The following TMEM204 variants were observed in gnomAD, a reference collection of about 807,000 sequenced individuals.
TMEM204 encodes the protein transmembrane protein 204.
TMEM204 carries 15 observed loss-of-function variants against 19.4 expected under a neutral mutation model. The observed-to-expected ratio is 0.77, with a 90% CI of 0.52 to 1.19. TMEM204 has a LOEUF of 1.19. Among genes scored for constraint, TMEM204 ranks in the 50% most tolerant of loss-of-function variants. The pLI, the probability that TMEM204 is intolerant of heterozygous loss-of-function variation, is 0.00. For missense variants in TMEM204, 287 were observed against 321.2 expected, an observed-to-expected ratio of 0.89 and a Z score of 0.81; for synonymous variants, 161 against 146.0, an observed-to-expected ratio of 1.10 and a Z score of -0.74.
At chr16:1,529,824 G>A, upstream of TMEM204, among the ~76,000 whole-genome samples, 1 of 152,200 alleles carries the variant, frequency 6.6e-6, no homozygotes, top group South Asian at 2.1e-4. Flanking sequence ...AAGACTGGGG[G>A]TCCAGGGCTC....
intron 1 of TMEM204, chr16:1,541,361 G>A (rs1267540417): frequency 1.0e-6 from 1 of 985,456 alleles, no homozygotes; most frequent in Non-Finnish European, 1.2e-6. Context: ...GGGCCCAGAT[G>A]AGCTGCTTCT....
Position 1,555,047 on chromosome 16 carries a change from A to T in TMEM204, c.*21A>T. On this transcript the variant is annotated 3_prime_UTR_variant, in exon 3 of 3. Coordinates refer to ENST00000566264, the MANE Select transcript of TMEM204 (RefSeq NM_024600.6). ...GCTGAGTCGCCCTTCTCAGCGCTCC[A>T]TCAACGCACACCTGCTATCGTGGAA... The T allele has an allele frequency of 1.3e-6, 2 of 1,595,314 alleles. No individual in the cohort carries two copies. The highest frequency in any genetic ancestry group is 1.7e-6 in the Non-Finnish European group (2 of 1,171,056).
chr16:1,540,295 G>A (rs541474327), intron 1 of TMEM204, among the ~76,000 whole-genome samples: 6 of 152,360 alleles, frequency 3.9e-5, no homozygotes, highest in South Asian at 2.1e-4. Context: ...AGGTTGAACC[G>A]TGTGGAATTG....
At chr16:1,536,745 T>A (rs929844735) in intron 1 of TMEM204, among the ~76,000 whole-genome samples, 1 of 152,102 alleles carries the variant, frequency 6.6e-6, no homozygotes. Flanking sequence ...TCCTCCTGCC[T>A]CTCTCGCCTT....
upstream of TMEM204, chr16:1,530,811 C>A (rs1220302767): frequency 1.3e-5 from 2 of 150,960 alleles, no homozygotes; most frequent in African/African-American, 4.9e-5. Context: ...GCCAGCACAC[C>A]GTCAGATGCC....
At chr16:1,544,796 C>T (rs1275865074) in intron 2 of TMEM204, among the ~76,000 whole-genome samples, 2 of 151,440 alleles carry the variant, frequency 1.3e-5, no homozygotes, top group African/African-American at 2.4e-5. Context: ...CTACAGGCAC[C>T]CGCCACCACG....
chr16:1,534,624 C>T (rs551552325), intron 1 of TMEM204, 69 bp downstream of exon 1: 621 of 1,589,170 alleles, frequency 3.9e-4, no homozygotes, highest in South Asian at 1.4e-3. Flanking sequence ...AGATGTTAGG[C>T]GCGGACCTGG....
chr16:1,546,397 C>T (rs2032174325), intron 2 of TMEM204, among the ~76,000 whole-genome samples: 1 of 152,202 alleles, frequency 6.6e-6, no homozygotes. Flanking sequence ...GGGTTCTGCT[C>T]CTGGCTCTGC....
At chr16:1,538,447 C>A (rs922563076) in intron 1 of TMEM204, among the ~76,000 whole-genome samples, 3 of 152,172 alleles carry the variant, frequency 2.0e-5, no homozygotes, top group Non-Finnish European at 2.9e-5. Flanking sequence ...GCCTGGTGCT[C>A]AAGCCCACCT....
At chr16:1,546,429 T>C (rs1199051881) in intron 2 of TMEM204, among the ~76,000 whole-genome samples, 2 of 152,190 alleles carry the variant, frequency 1.3e-5, no homozygotes, top group Non-Finnish European at 2.9e-5. Context: ...TGTGAGTGCC[T>C]GGACGAGCCC....
At chr16:1,538,272 C>A (rs1042177861) in intron 1 of TMEM204, among the ~76,000 whole-genome samples, 1 of 152,178 alleles carries the variant, frequency 6.6e-6, no homozygotes, top group Non-Finnish European at 1.5e-5. Context: ...TGCACAGAGC[C>A]CCTGCCATGG....
intron 1 of TMEM204, among the ~76,000 whole-genome samples, chr16:1,537,877 C>T (rs187566817): frequency 5.9e-5 from 9 of 152,304 alleles, no homozygotes; most frequent in East Asian, 1.9e-4. Context: ...ACGCATGCCC[C>T]GCCACACATC....
At chr16:1,543,490 G>C (rs964807582) in intron 2 of TMEM204, among the ~76,000 whole-genome samples, 1 of 152,230 alleles carries the variant, frequency 6.6e-6, no homozygotes, top group African/African-American at 2.4e-5. Flanking sequence ...GGGGCCTCGA[G>C]GCTTCAGTGG....
At chr16:1,543,734 C>A (rs1470855506) in intron 2 of TMEM204, among the ~76,000 whole-genome samples, 1 of 152,224 alleles carries the variant, frequency 6.6e-6, no homozygotes, top group Non-Finnish European at 1.5e-5. Flanking sequence ...ATGAGACTCT[C>A]AACGAGGTAC....
chr16:1,549,911 C>A (rs746159412), intron 2 of TMEM204, among the ~76,000 whole-genome samples: 1 of 152,172 alleles, frequency 6.6e-6, no homozygotes, highest in Admixed American at 6.5e-5. Context: ...GTCCAGGTTG[C>A]GTGTGGACAT....
Position 1,553,232 on chromosome 16 carries a change from C to T in TMEM204, c.437-1550C>T. 5.1e-6 allele frequency: 5 copies of T among 978,762 alleles called. No homozygotes were observed. The highest frequency in any genetic ancestry group is 6.1e-6 in the Non-Finnish European group (5 of 824,552). The allele number at this position is 978,762 out of a possible 1,614,324, so 60.6% of individuals were successfully genotyped here. A position where few individuals can be genotyped will look rare whatever the true frequency, so the allele number is the denominator to read the frequency against. On this transcript the variant is annotated intron_variant, in intron 2 of 2. Coordinates refer to ENST00000566264, the MANE Select transcript of TMEM204 (RefSeq NM_024600.6). This position sits in a 1 kb window ranked among gnomAD's most constrained non-coding sequence, Gnocchi z 4.4. ...TCTGTCTCTCTCTGTCTCCATCTGT[C>T]TCTGTGTCTGTCTCTGTCTCTCTGT...
At chr16:1,539,745 G>A (rs1288726154) in intron 1 of TMEM204, among the ~76,000 whole-genome samples, 3 of 152,210 alleles carry the variant, frequency 2.0e-5, no homozygotes, top group African/African-American at 7.2e-5. Context: ...CGCTTCCCAT[G>A]GCCCTGTCAG....
intron 2 of TMEM204, among the ~76,000 whole-genome samples, chr16:1,547,376 G>A (rs541841755): frequency 3.3e-5 from 5 of 152,268 alleles, no homozygotes; most frequent in South Asian, 2.1e-4. Context: ...TCCTGGAGAC[G>A]CTGACTTTAT....
chr16:1,555,012 G>A lies in TMEM204; in HGVS notation c.667G>A (p.Glu223Lys). The change falls in exon 3 of 3, where the codon GAG (glutamate) becomes AAG (lysine). Residue 223 changes from glutamate (E) to lysine (K), a missense_variant. Coordinates refer to ENST00000566264, the MANE Select transcript of TMEM204 (RefSeq NM_024600.6). ...CCGTGGGCTGGACAATGACTACGTG[G>A]AGTCACCATGCTGAGTCGCCCTTCT... ...FRRGLDNDYVESPC is the reference protein window; with the variant it reads ...FRRGLDNDYVKSPC 1.2e-6 allele frequency: 2 copies of A among 1,611,332 alleles called. No homozygotes were observed. The highest frequency in any genetic ancestry group is 1.7e-6 in the Non-Finnish European group (2 of 1,179,224).
Sources: allele counts gnomAD v4.1 joint callset (sites outside exome capture counted in the v4.1 genomes callset), GRCh38; gene constraint gnomAD v4.1.1; non-coding constraint Gnocchi (gnomAD v3.1); transcripts MANE v1.5; gene names NCBI Gene and HGNC (gene_info 2026-07-23, HGNC 2026-07-21).